Variants in CHODL observed in about 807,000 individuals in gnomAD.
CHODL encodes the protein transmembrane protein MT75.
Under a neutral mutation model 34.5 loss-of-function variants are expected in CHODL, and 29 were observed. That is an observed-to-expected ratio of 0.84 (90% CI 0.63 to 1.15). The LOEUF is 1.15. CHODL is among the 50% of genes most tolerant of loss of function. The pLI, the probability that CHODL is intolerant of heterozygous loss-of-function variation, is 0.00. For missense variants in CHODL, 332 were observed against 332.5 expected (o/e 1.00, Z 0.01); for synonymous variants, 125 against 116.1 (o/e 1.08, Z -0.49).
chr21:17,971,695 C>A (rs1026224191), intron 1 of CHODL, among the ~76,000 whole-genome samples: 1 of 152,058 alleles, frequency 6.6e-6, no homozygotes, highest in Non-Finnish European at 1.5e-5. Flanking sequence ...CAGGACCAGA[C>A]GGATTCACAG....
rs112703484 is a variant in CHODL at position 18,188,109 on chromosome 21, A to AT, written c.-44-68390dup. Among the ~76,000 whole-genome samples the AT allele has an allele frequency of 2.3e-3, 341 of 148,298 alleles. 1 individual carries two copies. The highest frequency in any genetic ancestry group is 3.4e-3 in the African/African-American group (138 of 40,490). ...TTAGCAGCCTTTATTAAAATTGATC[A>AT]TTTTTTTTTTCCTTTTGGAAGCATA... On this transcript the variant is annotated intron_variant, in intron 2 of 6. Transcript: ENST00000400127.
chr21:17,931,844 G>T (rs2146320673), intron 1 of CHODL, among the ~76,000 whole-genome samples: 1 of 152,182 alleles, frequency 6.6e-6, no homozygotes, highest in Non-Finnish European at 1.5e-5. Context: ...ATGAAACTAT[G>T]AAAATCCTCG....
rs141986000 is a variant in CHODL at position 18,155,814 on chromosome 21, C to A, written c.-44-100695C>A. On this transcript the variant is annotated intron_variant, in intron 2 of 6. Coordinates refer to the CHODL transcript ENST00000400127. ...CAGGTCCTTCAGTCTAGTGAGGAGG[C>A]TACTGATTTAATTCTAGTCTTTTGC... 3.4e-3 allele frequency among the ~76,000 whole-genome samples: 513 copies of A among 152,250 alleles called. 4 individuals are homozygous for A. The highest frequency in any genetic ancestry group is 6.8e-3 in the Middle Eastern group (2 of 294).
chr21:18,093,574 CAAAATT>C (rs1450296438), intron 2 of CHODL, among the ~76,000 whole-genome samples: 1 of 152,000 alleles, frequency 6.6e-6, no homozygotes, highest in Non-Finnish European at 1.5e-5. Context: ...TAAGCAATAA[CAAAATT>C]AAAATGCAAG....
Position 18,122,184 on chromosome 21 carries a change from C to G in CHODL, c.-45+94213C>G, listed in dbSNP as rs187612487. Among the ~76,000 whole-genome samples, 14 of 142,052 alleles carry G rather than the reference C, an allele frequency of 9.9e-5. No homozygotes were observed. In the East Asian group the frequency reaches 2.1e-3, roughly 21 times the overall value. The allele number at this position is 142,052 out of a possible 152,430, so 93.2% of individuals were successfully genotyped here. A position where few individuals can be genotyped will look rare whatever the true frequency, so the allele number is the denominator to read the frequency against. On this transcript the variant is annotated intron_variant, in intron 2 of 6. Coordinates refer to the CHODL transcript ENST00000400127. ...AGTGATTCCAGTTGAAATGATTATG[C>G]TTTTTCATTTTTTTATTGATTTATT... is the stretch of plus-strand genomic sequence containing the variant.
chr21:18,069,094 A>C (rs1308898403), intron 2 of CHODL, among the ~76,000 whole-genome samples: 4 of 152,160 alleles, frequency 2.6e-5, no homozygotes, highest in Non-Finnish European at 5.9e-5. Flanking sequence ...TTTATTAGTA[A>C]AAACATGCAG....
chr21:18,051,983 A>C lies in CHODL; in HGVS notation c.-45+24012A>C, dbSNP rs79651621. ...CAGAGCATCTTATGTAAATTTGATA[A>C]AGAATTGAGTATGATTTTAAAGGTA... On this transcript the variant is annotated intron_variant, in intron 2 of 6. Transcript: ENST00000400127. Among the ~76,000 whole-genome samples, 1,171 of 152,094 alleles carry C rather than the reference A, an allele frequency of 7.7e-3. 10 individuals are homozygous for C. Among genetic ancestry groups the C allele is most frequent in the African/African-American group, 0.027 (1,103 of 41,514 alleles).
chr21:17,955,530 T>G lies in CHODL; in HGVS notation c.-145+38130T>G, dbSNP rs180709069. On this transcript the variant is annotated intron_variant, in intron 1 of 6. Transcript: ENST00000400127. ...AGTTTTCAGGAGAGTCCTAGGAATATTCAATTAAAATTCTGCATAATGACT... is the reference window on the plus strand; with the variant it reads ...AGTTTTCAGGAGAGTCCTAGGAATAGTCAATTAAAATTCTGCATAATGACT... Among the ~76,000 whole-genome samples, 623 of 137,312 alleles carry G rather than the reference T, an allele frequency of 4.5e-3. 68 individuals carry two copies. The highest frequency in any genetic ancestry group is 0.015 in the African/African-American group (587 of 40,132). The allele number at this position is 137,312 out of a possible 152,430, so 90.1% of individuals were successfully genotyped here. A position where few individuals can be genotyped will look rare whatever the true frequency, so the allele number is the denominator to read the frequency against.
chr21:18,114,499 C>G (rs1193831419), intron 2 of CHODL, among the ~76,000 whole-genome samples: 1 of 152,150 alleles, frequency 6.6e-6, no homozygotes, highest in South Asian at 2.1e-4. Flanking sequence ...GTTGCCCAGG[C>G]TGGAGTGCAA....
intron 2 of CHODL, among the ~76,000 whole-genome samples, chr21:18,216,412 C>A (rs780605942): frequency 6.6e-6 from 1 of 152,010 alleles, no homozygotes; most frequent in Non-Finnish European, 1.5e-5. Context: ...TACCCATTAA[C>A]AAGCCTCTCT....
chr21:18,188,652 T>A lies in CHODL; in HGVS notation c.-44-67857T>A, dbSNP rs537707503. The stretch of plus-strand genomic sequence containing the variant: ...GATATGTTGACGTTTTGGTCTTGGA[T>A]CCCCAAAGAACACAATCTGAATGAT... On this transcript the variant is annotated intron_variant, in intron 2 of 6. Transcript: ENST00000400127. Among the ~76,000 whole-genome samples, 6 of 152,290 alleles carry A rather than the reference T, an allele frequency of 3.9e-5. No homozygotes were observed. In the East Asian group the frequency reaches 5.8e-4, roughly 15 times the overall value.
At position 18,179,685 on chromosome 21, in the gene CHODL, CT is replaced by C. The variant is rs529800664; in HGVS notation, c.-44-76822del. 5.1e-4 allele frequency among the ~76,000 whole-genome samples: 78 copies of C among 152,264 alleles called. No individual in the cohort carries two copies. In the South Asian group the frequency reaches 6.0e-3, roughly 12 times the overall value. ...TTCCTCCACTCTCCTTTTCCTTGTA[CT>C]TCACAGAGGACTCATGAGATTTCTA... On this transcript the variant is annotated intron_variant, in intron 2 of 6. Coordinates refer to the CHODL transcript ENST00000400127.
At chr21:18,052,522 T>G (rs138427884) in intron 2 of CHODL, among the ~76,000 whole-genome samples, 1 of 151,940 alleles carries the variant, frequency 6.6e-6, no homozygotes, top group Admixed American at 6.6e-5. Flanking sequence ...AGTCTGTACT[T>G]TGTTAGAAGA....
At chr21:18,125,338 T>G (rs773776462) in intron 2 of CHODL, among the ~76,000 whole-genome samples, 11 of 152,266 alleles carry the variant, frequency 7.2e-5, no homozygotes, top group Admixed American at 1.3e-4. Flanking sequence ...TATGGATACT[T>G]GGATTATGTC....
At chr21:18,048,347 T>C (rs2064470737) in intron 2 of CHODL, among the ~76,000 whole-genome samples, 1 of 151,924 alleles carries the variant, frequency 6.6e-6, no homozygotes, top group South Asian at 2.1e-4. Flanking sequence ...TTAAAATATT[T>C]ATTTCTTTGT....
At chr21:18,047,119 A>G (rs1176811507) in intron 2 of CHODL, among the ~76,000 whole-genome samples, 1 of 151,976 alleles carries the variant, frequency 6.6e-6, no homozygotes, top group Non-Finnish European at 1.5e-5. Context: ...CTCTACTTTA[A>G]TCTTGGCTCA....
chr21:18,077,332 C>A (rs1005428253), intron 2 of CHODL, among the ~76,000 whole-genome samples: 3 of 152,046 alleles, frequency 2.0e-5, no homozygotes, highest in African/African-American at 7.3e-5. Context: ...TAAGTCTCAC[C>A]CATATCTGAT....
At chr21:18,226,927 G>A (rs2073936423) in intron 2 of CHODL, among the ~76,000 whole-genome samples, 1 of 152,064 alleles carries the variant, frequency 6.6e-6, no homozygotes, top group African/African-American at 2.4e-5. Flanking sequence ...AATTTTAAGT[G>A]AAATAGCTGT....
At chr21:18,136,709 TAAATC>T (rs1338046818) in intron 2 of CHODL, among the ~76,000 whole-genome samples, 2 of 127,174 alleles carry the variant, frequency 1.6e-5, no homozygotes, top group African/African-American at 5.8e-5. Context: ...ATGAAGAAGG[TAAATC>T]AAAGCATATA....
Sources: allele counts gnomAD v4.1 joint callset (sites outside exome capture counted in the v4.1 genomes callset), GRCh38; gene constraint gnomAD v4.1.1; transcripts MANE v1.5; gene names NCBI Gene and HGNC (gene_info 2026-07-23, HGNC 2026-07-21).